Variants in LRRC9 observed in about 807,000 individuals in gnomAD.
The protein encoded by LRRC9 is leucine rich repeat containing 9, also known as leucine-rich repeat-containing protein 9.
LRRC9 carries 122 observed loss-of-function variants against 63.2 expected under a neutral mutation model. The observed-to-expected ratio is 1.93, with a 90% CI of 1.67 to 2.24. The LOEUF is 2.24. LRRC9 is among the 30% of genes most tolerant of loss of function. The probability of loss-of-function intolerance (pLI) is 0.00; values close to 1 mark genes in which losing one functional copy is unlikely to be tolerated. For synonymous variants in LRRC9, 366 were observed against 213.1 expected (o/e 1.72, Z -6.25); for missense variants, 1,071 against 627.7 (o/e 1.71, Z -7.55).
chr14:59,997,177 C>T (rs1888887285), intron 17 of LRRC9, among the ~76,000 whole-genome samples: 1 of 151,808 alleles, frequency 6.6e-6, no homozygotes, highest in Non-Finnish European at 1.5e-5. Context: ...CAACAAGGAA[C>T]ATGTGTTACT....
At chr14:59,939,510 A>G (rs1358381234) in intron 7 of LRRC9, among the ~76,000 whole-genome samples, 1 of 152,098 alleles carries the variant, frequency 6.6e-6, no homozygotes, top group African/African-American at 2.4e-5. Context: ...TTGAAAGCAG[A>G]GAGACCAGTT....
At chr14:60,010,885 T>C (rs977281800) in intron 23 of LRRC9, among the ~76,000 whole-genome samples, 4 of 152,200 alleles carry the variant, frequency 2.6e-5, no homozygotes, top group Admixed American at 6.5e-5. Context: ...TTATTGTCTA[T>C]ATCACTATCA....
chr14:59,974,615 CTAAGTA>C (rs768611009), exon 13 of LRRC9: 138 of 680,216 alleles, frequency 2.0e-4, no homozygotes, highest in African/African-American at 6.1e-4. Flanking sequence ...TTCTAACAGT[CTAAGTA>C]TAAGTGAGTG....
intron 1 of LRRC9, among the ~76,000 whole-genome samples, chr14:59,926,845 T>C (rs541415499): frequency 9.2e-5 from 14 of 152,306 alleles, no homozygotes; most frequent in Non-Finnish European, 1.8e-4. Flanking sequence ...AGCTATGACC[T>C]GTATGACAAA....
intron 10 of LRRC9, 150 bp downstream of exon 10, chr14:59,961,195 C>T (rs923132157): frequency 2.0e-6 from 1 of 490,560 alleles, no homozygotes; most frequent in Non-Finnish European, 3.6e-6. Flanking sequence ...TGGCAGGCAT[C>T]TATTGAAAAC....
intron 12 of LRRC9, among the ~76,000 whole-genome samples, chr14:59,967,863 C>G (rs759585194): frequency 5.3e-5 from 8 of 152,176 alleles, no homozygotes; most frequent in Non-Finnish European, 1.2e-4. Context: ...CTCTGTTAAT[C>G]TGTTTCTTCC....
intron 6 of LRRC9, among the ~76,000 whole-genome samples, chr14:59,934,584 A>G (rs934886069): frequency 6.6e-6 from 1 of 152,198 alleles, no homozygotes; most frequent in Non-Finnish European, 1.5e-5. Flanking sequence ...CATGATAGAA[A>G]TCAGAGACAC....
rs1887528198 is a variant in LRRC9, at chr14:59,986,905, C to T, written c.2211+1681C>T. Among the ~76,000 whole-genome samples, 1 of 152,098 alleles carries T rather than the reference C, an allele frequency of 6.6e-6. No individual in the cohort carries two copies. Among genetic ancestry groups the T allele is most frequent in the South Asian group, 2.1e-4 (1 of 4,818 alleles). On this transcript the variant is annotated intron_variant, in intron 17 of 31. Transcript: ENST00000445360. This position sits in a 1 kb window ranked among gnomAD's most constrained non-coding sequence, Gnocchi z 4.7. The stretch of plus-strand genomic sequence containing the variant: ...TTTTAGGATGAGTAAAGGTGGCTAG[C>T]TATAGACCTTTCAAATGTCAAGTCT...
At chr14:60,045,351 G>C (rs1893327928) in intron 29 of LRRC9, among the ~76,000 whole-genome samples, 1 of 152,110 alleles carries the variant, frequency 6.6e-6, no homozygotes, top group Non-Finnish European at 1.5e-5. Context: ...ATGGTAGTTT[G>C]CTGCACAGGT....
At position 59,932,048 on chromosome 14, in the gene LRRC9, A is replaced by G. The variant is rs1272406951; in HGVS notation, c.543+9A>G. On this transcript the variant is annotated intron_variant, in intron 6 of 31. Coordinates refer to ENST00000445360, the Ensembl canonical transcript of LRRC9. The surrounding 1 kb of genome is among the most constrained non-coding windows in gnomAD (Gnocchi z 4.7). The stretch of plus-strand genomic sequence containing the variant: ...AAATATGTTCTTTCAAGGTATGTTT[A>G]AGTGGAATAATTAATTTTTATTTAT... 1.4e-6 allele frequency: 1 copy of G among 695,988 alleles called. No homozygotes were observed. Among genetic ancestry groups the G allele is most frequent in the Non-Finnish European group, 2.6e-6 (1 of 382,266 alleles). The allele number at this position is 695,988 out of a possible 1,614,324, so 43.1% of individuals were successfully genotyped here.
chr14:59,920,596 A>G lies in LRRC9; in HGVS notation c.-34+713A>G, dbSNP rs557103789. ...TAACCAAACCTGACACTGCTCATCTAGAGAGTGTAGGGGGTTTATTTGGAC... is the reference window on the plus strand; with the variant it reads ...TAACCAAACCTGACACTGCTCATCTGGAGAGTGTAGGGGGTTTATTTGGAC... On this transcript the variant is annotated intron_variant, in intron 1 of 31. Coordinates refer to ENST00000445360, the Ensembl canonical transcript of LRRC9. Among the ~76,000 whole-genome samples, 125 of 152,320 alleles carry G rather than the reference A, an allele frequency of 8.2e-4. 1 individual carries two copies. The highest frequency in any genetic ancestry group is 2.9e-3 in the African/African-American group (122 of 41,570).
chr14:59,961,004 G>A, exon 10 of LRRC9: 1 of 692,184 alleles, frequency 1.4e-6, no homozygotes, highest in Non-Finnish European at 2.6e-6. Context: ...TAGAGACTGT[G>A]GGAAATTTCC....
At chr14:60,022,590 A>T (rs752562703) in intron 26 of LRRC9, 144 bp from the exon 27 acceptor site, 1 of 373,204 alleles carries the variant, frequency 2.7e-6, no homozygotes, top group Non-Finnish European at 4.7e-6. Context: ...ATATAAACAG[A>T]CTGTATTAAG....
At chr14:59,971,375 C>T (rs219316) in intron 12 of LRRC9, among the ~76,000 whole-genome samples, 113,189 of 152,034 alleles carry the variant, frequency 0.74, 44,305 homozygotes, top group Non-Finnish European at 0.87. Flanking sequence ...ATGCCTCCAG[C>T]ATTATTCTTT....
At chr14:59,984,324 C>T (rs567419155) in intron 16 of LRRC9, among the ~76,000 whole-genome samples, 3 of 152,196 alleles carry the variant, frequency 2.0e-5, no homozygotes, top group Admixed American at 1.3e-4. Context: ...CAATATAAGG[C>T]ATAAGATGGT....
chr14:59,947,720 A>C (rs948633071), intron 8 of LRRC9, among the ~76,000 whole-genome samples: 70 of 139,012 alleles, frequency 5.0e-4, no homozygotes, highest in South Asian at 1.8e-3. Context: ...TCAGCTTTCT[A>C]CATATGGCTA....
In LRRC9 at chr14:60,016,712, C is replaced by CT. The variant is rs1300510355; in HGVS notation, c.3240dup (p.Asp1081Ter). 1 of 701,352 alleles carries CT rather than the reference C, an allele frequency of 1.4e-6. No homozygotes were observed. Among genetic ancestry groups the CT allele is most frequent in the African/African-American group, 1.7e-5 (1 of 57,174 alleles). 43.4% of individuals were successfully genotyped at this position (701,352 alleles called of 1,614,324 possible). A position where few individuals can be genotyped will look rare whatever the true frequency, so the allele number is the denominator to read the frequency against. ...GATTTGTTTGGTGGTAGACTTACTT[C>CT]TGACATGATTGCAGAACGACAAGGA... On this transcript the variant is annotated frameshift_variant, in exon 24 of 32. Coordinates refer to ENST00000445360, the Ensembl canonical transcript of LRRC9. LOFTEE classifies it high-confidence loss of function.
At chr14:60,040,068 G>A (rs1892811341) in intron 29 of LRRC9, among the ~76,000 whole-genome samples, 1 of 151,946 alleles carries the variant, frequency 6.6e-6, no homozygotes, top group Admixed American at 6.5e-5. Flanking sequence ...ATGTAGTTGA[G>A]CGGTTTTGAG....
rs1016685494 is a variant in LRRC9 at position 59,942,154 on chromosome 14, T to C, written c.727-2435T>C. On this transcript the variant is annotated intron_variant, in intron 7 of 31. Coordinates refer to ENST00000445360, the Ensembl canonical transcript of LRRC9. This position sits in a 1 kb window ranked among gnomAD's most constrained non-coding sequence, Gnocchi z 5.3. ...CAAATGACAGGATTTAATTCTTTTT[T>C]ATGGTTAAATAGTATTCCATCATGT... is the stretch of plus-strand genomic sequence containing the variant. 2.6e-5 allele frequency among the ~76,000 whole-genome samples: 4 copies of C among 152,222 alleles called. No homozygotes were observed. The highest frequency in any genetic ancestry group is 4.4e-5 in the Non-Finnish European group (3 of 68,026).
Sources: allele counts gnomAD v4.1 joint callset (sites outside exome capture counted in the v4.1 genomes callset), GRCh38; gene constraint gnomAD v4.1.1; non-coding constraint Gnocchi (gnomAD v3.1); transcripts MANE v1.5; gene names NCBI Gene and HGNC (gene_info 2026-07-23, HGNC 2026-07-21).